TENM3: variants seen among roughly 807,000 people sequenced by gnomAD.
The protein encoded by TENM3 is teneurin-3.
Under a neutral mutation model 255.1 loss-of-function variants are expected in TENM3, and 63 were observed. That is an observed-to-expected ratio of 0.25 (90% CI 0.20 to 0.30). The LOEUF (loss-of-function observed/expected upper bound fraction) is 0.30, where lower values mean the gene tolerates loss of function less well. Ranked by LOEUF, TENM3 falls within the 10% of genes least tolerant of loss-of-function variation. The pLI is 1.00. For missense variants in TENM3, 2,929 were observed against 3,461.1 expected, an observed-to-expected ratio of 0.85 and a Z score of 3.86; for synonymous variants, 1,306 against 1,322.3, an observed-to-expected ratio of 0.99 and a Z score of 0.27.
chr4:182,375,047 C>T (rs993701771), intron 3 of TENM3, among the ~76,000 whole-genome samples: 8 of 152,152 alleles, frequency 5.3e-5, no homozygotes, highest in African/African-American at 1.7e-4. Flanking sequence ...CTCTTAGCCA[C>T]TCTTTGCAGA....
At chr4:182,442,847 TAC>T (rs10586825) in intron 3 of TENM3, among the ~76,000 whole-genome samples, 4,777 of 147,646 alleles carry the variant, frequency 0.032, 117 homozygotes, top group African/African-American at 0.063. Flanking sequence ...CATACATATA[TAC>T]ACACACACAC....
chr4:182,015,375 G>GA, the TENM3 span, among the ~76,000 whole-genome samples: 10 of 152,172 alleles, frequency 6.6e-5, no homozygotes, highest in Admixed American at 3.3e-4. Flanking sequence ...AGAGATGGAG[G>GA]AAAGAAAGGT....
Position 182,161,673 on chromosome 4 carries a change from A to ATG in TENM3, c.-76+16921_-76+16922dup, listed in dbSNP as rs1554023500. Among the ~76,000 whole-genome samples, 351 of 60,006 alleles carry ATG rather than the reference A, an allele frequency of 5.8e-3. 7 individuals are homozygous for ATG. The highest frequency in any genetic ancestry group is 0.034 in the East Asian group (34 of 1,014). 39.4% of individuals were successfully genotyped at this position (60,006 alleles called of 152,430 possible). Reference sequence around the variant, plus strand: ...TATATACACACACACAAATATATATATGTATATATATACACAAATATATAT... The same window carrying ATG: ...TATATACACACACACAAATATATATATGTGTATATATATACACAAATATATAT... On this transcript the variant is annotated intron_variant, in intron 1 of 2. Coordinates refer to the TENM3 transcript ENST00000512480.
intron 4 of TENM3, among the ~76,000 whole-genome samples, chr4:182,613,073 G>T (rs1180732828): frequency 6.6e-6 from 1 of 152,056 alleles, no homozygotes; most frequent in African/African-American, 2.4e-5. Flanking sequence ...TTTATAGAAA[G>T]AACTTTAGTG....
At chr4:182,069,888 C>A in the TENM3 span, among the ~76,000 whole-genome samples, 1 of 152,118 alleles carries the variant, frequency 6.6e-6, no homozygotes, top group Non-Finnish European at 1.5e-5. Flanking sequence ...GTTAAACAGG[C>A]TGTTGTAATG....
the TENM3 span, among the ~76,000 whole-genome samples, chr4:181,736,223 G>A: frequency 6.6e-6 from 1 of 152,122 alleles, no homozygotes; most frequent in African/African-American, 2.4e-5. Flanking sequence ...GCTTGTACCT[G>A]GGAAGCAGAG....
intron 1 of TENM3, among the ~76,000 whole-genome samples, chr4:182,161,558 G>C (rs1196110506): frequency 2.7e-4 from 11 of 41,308 alleles, no homozygotes; most frequent in African/African-American, 8.4e-4. Flanking sequence ...CTGCACTCCA[G>C]CCTGGGCAAC....
chr4:182,651,278 G>A (rs1296946660), intron 5 of TENM3, among the ~76,000 whole-genome samples: 3 of 151,970 alleles, frequency 2.0e-5, no homozygotes, highest in South Asian at 2.1e-4. Context: ...GATGTGATAA[G>A]TGTTTAGCAA....
chr4:181,661,193 T>C, the TENM3 span, among the ~76,000 whole-genome samples: 1 of 152,146 alleles, frequency 6.6e-6, no homozygotes, highest in Non-Finnish European at 1.5e-5. Context: ...CTGACTCTAA[T>C]ATCGATGGGC....
chr4:182,014,142 ATATATACT>A, the TENM3 span, among the ~76,000 whole-genome samples: 1 of 147,022 alleles, frequency 6.8e-6, no homozygotes, highest in African/African-American at 2.5e-5. Flanking sequence ...ATACACACAC[ATATATACT>A]TATATATATA....
At chr4:182,761,273 G>A (rs186518629) in intron 22 of TENM3, among the ~76,000 whole-genome samples, 2 of 152,184 alleles carry the variant, frequency 1.3e-5, no homozygotes, top group Non-Finnish European at 2.9e-5. Context: ...ACAAAAATTA[G>A]CCGGGCGTGG....
intron 1 of TENM3, among the ~76,000 whole-genome samples, chr4:182,156,976 A>G (rs968198090): frequency 1.3e-5 from 2 of 152,238 alleles, no homozygotes; most frequent in Non-Finnish European, 2.9e-5. Context: ...TAAGAAAGCC[A>G]GGAGAGGTAA....
At chr4:182,239,492 C>G (rs1338109038), upstream of TENM3, among the ~76,000 whole-genome samples, 1 of 152,122 alleles carries the variant, frequency 6.6e-6, no homozygotes, top group African/African-American at 2.4e-5. Context: ...TTTCTAAAAG[C>G]TGGCAAGAAA....
chr4:182,536,038 G>T (rs541106418), intron 3 of TENM3, among the ~76,000 whole-genome samples: 2 of 152,218 alleles, frequency 1.3e-5, no homozygotes, highest in African/African-American at 4.8e-5. Flanking sequence ...CGTCCAATAT[G>T]TAGGAAACTC....
intron 12 of TENM3, 140 bp downstream of exon 12, chr4:182,688,491 T>A: frequency 3.0e-6 from 2 of 677,294 alleles, no homozygotes; most frequent in Non-Finnish European, 4.5e-6. Context: ...ATTTTTTAAA[T>A]ATGGTTGTCA....
intron 1 of TENM3, among the ~76,000 whole-genome samples, chr4:182,259,048 G>T (rs1579927284): frequency 6.6e-6 from 1 of 152,192 alleles, no homozygotes. Context: ...TGTCTATAAA[G>T]CCAGTTATGT....
rs531301705 is a variant in TENM3, at chr4:182,570,905, G to A, written c.512-30019G>A. On this transcript the variant is annotated intron_variant, in intron 3 of 27. Coordinates refer to ENST00000511685, the MANE Select transcript of TENM3 (RefSeq NM_001080477.4). Reference sequence around the variant, plus strand: ...TGGTTTGGGTTCTGTAGGTCGATGCGTGTGTTTATCCTGGGTCACACTGTG... The same window carrying A: ...TGGTTTGGGTTCTGTAGGTCGATGCATGTGTTTATCCTGGGTCACACTGTG... Among the ~76,000 whole-genome samples, 22 of 152,180 alleles carry A rather than the reference G, an allele frequency of 1.4e-4. No individual in the cohort carries two copies. The South Asian group carries it at 1.9e-3, about 13-fold the overall frequency.
chr4:181,967,066 G>T, the TENM3 span, among the ~76,000 whole-genome samples: 60,093 of 151,708 alleles, frequency 0.4, 12,477 homozygotes, highest in African/African-American at 0.51. Flanking sequence ...ATGCAGTTAT[G>T]TAAACAGCAG....
chr4:182,452,111 C>T (rs1773509408), intron 3 of TENM3, among the ~76,000 whole-genome samples: 1 of 152,106 alleles, frequency 6.6e-6, no homozygotes, highest in Non-Finnish European at 1.5e-5. Flanking sequence ...CACATACAGA[C>T]ATATGTAGTT....
Sources: allele counts gnomAD v4.1 joint callset (sites outside exome capture counted in the v4.1 genomes callset), GRCh38; gene constraint gnomAD v4.1.1; transcripts MANE v1.5; gene names NCBI Gene and HGNC (gene_info 2026-07-23, HGNC 2026-07-21).